PRUNE2: variants seen among roughly 807,000 people sequenced by gnomAD.
PRUNE2 encodes protein prune homolog 2.
In PRUNE2, 164 loss-of-function variants were observed where a neutral mutation model predicts 252.0. The ratio of observed to expected loss-of-function variants is 0.65; its 90% CI spans 0.57 to 0.74. PRUNE2 has a LOEUF of 0.74. PRUNE2 is among the 30% of genes least tolerant of loss of function. The probability of loss-of-function intolerance (pLI) is 0.00; values close to 1 mark genes in which losing one functional copy is unlikely to be tolerated. For missense variants in PRUNE2, 3,495 were observed against 3,711.0 expected (o/e 0.94, Z 1.51); for synonymous variants, 1,292 against 1,350.2 (o/e 0.96, Z 0.94).
At position 76,617,579 on chromosome 9, in the gene PRUNE2, T is replaced by C. The variant is rs182949657; in HGVS notation, c.9236+1761A>G. Among the ~76,000 whole-genome samples, 659 of 152,186 alleles carry C rather than the reference T, an allele frequency of 4.3e-3. 5 individuals are homozygous for C. Among genetic ancestry groups the C allele is most frequent in the African/African-American group, 0.015 (613 of 41,494 alleles). ...TGATCTCATCATCCACACTGTGATC[T>C]TGTGCCTCTTAAGGGCTCAGGAAAG... On this transcript the variant is annotated intron_variant, in intron 18 of 18. Coordinates refer to ENST00000376718, the MANE Select transcript of PRUNE2 (RefSeq NM_015225.3).
chr9:76,853,342 T>A (rs1407979082), intron 2 of PRUNE2, among the ~76,000 whole-genome samples: 1 of 152,124 alleles, frequency 6.6e-6, no homozygotes, highest in African/African-American at 2.4e-5. Context: ...CAAATCAGAT[T>A]CTGAAAAATT....
chr9:76,766,370 G>T (rs1443194042), intron 6 of PRUNE2, among the ~76,000 whole-genome samples: 1 of 152,036 alleles, frequency 6.6e-6, no homozygotes, highest in African/African-American at 2.4e-5. Context: ...CCTTGTGGGA[G>T]AATACGTTAC....
chr9:76,818,587 GAGCACAGCAGAAC>G (rs1330028338), intron 6 of PRUNE2, among the ~76,000 whole-genome samples: 2 of 152,054 alleles, frequency 1.3e-5, no homozygotes, highest in Non-Finnish European at 1.5e-5. Flanking sequence ...CTGAGGCCCA[GAGCACAGCAGAAC>G]AGCCCAGAAA....
chr9:76,869,337 G>A (rs1589683185), intron 1 of PRUNE2, among the ~76,000 whole-genome samples: 1 of 152,192 alleles, frequency 6.6e-6, no homozygotes, highest in East Asian at 1.9e-4. Context: ...CGAGGGATCT[G>A]CAGAGCAATT....
At chr9:76,851,862 C>G (rs561035385) in intron 2 of PRUNE2, among the ~76,000 whole-genome samples, 17 of 152,138 alleles carry the variant, frequency 1.1e-4, no homozygotes, top group Non-Finnish European at 2.1e-4. Flanking sequence ...TGTTTTTGTA[C>G]GGGAATGTTA....
intron 6 of PRUNE2, among the ~76,000 whole-genome samples, chr9:76,802,909 A>T (rs778063593): frequency 1.3e-5 from 2 of 152,172 alleles, no homozygotes; most frequent in Non-Finnish European, 2.9e-5. Context: ...TCATGCTGAC[A>T]TCGACACACT....
At chr9:76,630,270 T>A (rs1836967128) in intron 15 of PRUNE2, among the ~76,000 whole-genome samples, 1 of 151,950 alleles carries the variant, frequency 6.6e-6, no homozygotes, top group Non-Finnish European at 1.5e-5. Context: ...TTGTTTTTTT[T>A]TTTTTAAAGT....
At chr9:76,824,691 C>A (rs2058241344) in intron 5 of PRUNE2, among the ~76,000 whole-genome samples, 1 of 152,158 alleles carries the variant, frequency 6.6e-6, no homozygotes, top group South Asian at 2.1e-4. Context: ...GGAGGAAGAT[C>A]TATAATAAAG....
Position 76,706,115 on chromosome 9 carries a change from TAA to T in PRUNE2, c.6157_6158del (p.Leu2053ThrfsTer16). On this transcript the variant is annotated frameshift_variant, in exon 8 of 19. Transcript: ENST00000376718. LOFTEE classifies it high-confidence loss of function. ...DSRGTFVPDI[L>X]HGNFQEGGQL... ...GCCCACCCTCTTGAAAGTTGCCATG[TAA>T]AATATCTGGCACAAAGGTACCTCGG... 6.2e-7 allele frequency: 1 copy of T among 1,614,016 alleles called. No homozygotes were observed. The highest frequency in any genetic ancestry group is 8.5e-7 in the Non-Finnish European group (1 of 1,179,872).
At chr9:76,759,145 C>G (rs2051443979) in intron 6 of PRUNE2, 1 of 152,226 alleles carries the variant, frequency 6.6e-6, no homozygotes, top group Non-Finnish European at 1.5e-5. Context: ...GCCTTGCCTG[C>G]TCACCTCCCC....
intron 1 of PRUNE2, among the ~76,000 whole-genome samples, chr9:76,873,287 G>A (rs887045514): frequency 1.9e-4 from 29 of 152,140 alleles, no homozygotes; most frequent in African/African-American, 5.1e-4. Flanking sequence ...GATTAATTAC[G>A]CAATTTTTTC....
chr9:76,779,837 A>G (rs1445720268), intron 6 of PRUNE2: 1 of 152,234 alleles, frequency 6.6e-6, no homozygotes, highest in Admixed American at 6.5e-5. Context: ...CATTATCACC[A>G]TATGTCAATA....
At chr9:76,878,561 G>C (rs532088745) in intron 1 of PRUNE2, among the ~76,000 whole-genome samples, 2 of 152,306 alleles carry the variant, frequency 1.3e-5, no homozygotes, top group African/African-American at 4.8e-5. Context: ...TTAGAGTTCA[G>C]TAAAGATTTC....
In PRUNE2 at chr9:76,846,622, C is replaced by T. The variant is rs748551172; in HGVS notation, c.401G>A (p.Ser134Asn). ...CTCTCGGAACTCAACGTTGGCATCG[C>T]TCTGCTCAACCGGATTAATGACTTT... Reference protein sequence around the residue: ...VVKVINPVEQSDANVEFRESS... With the variant: ...VVKVINPVEQNDANVEFRESS... The change falls in exon 4 of 19, where the codon AGC becomes AAC. Residue 134 changes from serine to asparagine, a missense_variant. By Grantham distance (46) the Ser-to-Asn change is conservative (BLOSUM62 1). Coordinates refer to ENST00000376718, the MANE Select transcript of PRUNE2 (RefSeq NM_015225.3). The T allele has an allele frequency of 2.5e-6, 4 of 1,614,114 alleles. No homozygotes were observed. Among genetic ancestry groups the T allele is most frequent in the Non-Finnish European group, 3.4e-6 (4 of 1,179,964 alleles).
intron 9 of PRUNE2, chr9:76,692,282 G>A: frequency 1.6e-6 from 1 of 637,430 alleles, no homozygotes. Context: ...CACAGCTGGG[G>A]CTGTGCTGAG....
chr9:76,704,681 G>GA, intron 8 of PRUNE2, 80 bp downstream of exon 8: 1 of 984,590 alleles, frequency 1.0e-6, no homozygotes, highest in South Asian at 1.7e-5. Flanking sequence ...TCATTGGTAG[G>GA]AAGAGTGTGT....
chr9:76,676,852 C>T lies in PRUNE2; in HGVS notation c.8277-21350G>A, dbSNP rs112895007. Among the ~76,000 whole-genome samples the T allele has an allele frequency of 8.2e-3, 1,254 of 152,304 alleles. 20 individuals are homozygous for T. The highest frequency in any genetic ancestry group is 0.029 in the African/African-American group (1,192 of 41,550). ...GTAGGAAGCAGCAGAAATAGCGAAG[C>T]ACATGAGCTGAAATGTTACCATTGA... On this transcript the variant is annotated intron_variant, in intron 9 of 18. Coordinates refer to ENST00000376718, the MANE Select transcript of PRUNE2 (RefSeq NM_015225.3).
intron 1 of PRUNE2, chr9:76,863,335 T>A (rs1027681728): frequency 6.6e-6 from 1 of 152,166 alleles, no homozygotes; most frequent in Non-Finnish European, 1.5e-5. Flanking sequence ...TAATGTTGTA[T>A]AATGCATGTT....
chr9:76,813,413 G>A (rs187916147), intron 6 of PRUNE2, among the ~76,000 whole-genome samples: 164 of 152,220 alleles, frequency 1.1e-3, no homozygotes, highest in African/African-American at 3.6e-3. Flanking sequence ...GTCTAGACTC[G>A]AGAAAGTCAT....
Sources: gnomAD v4.1 joint callset for allele counts (sites outside exome capture counted in the v4.1 genomes callset) on GRCh38, gnomAD v4.1.1 for gene constraint, MANE v1.5 for transcripts, NCBI Gene and HGNC (gene_info 2026-07-23, HGNC 2026-07-21) for gene names.